Variants in MED27 observed in about 807,000 individuals in gnomAD.
MED27 encodes the protein mediator of RNA polymerase II transcription subunit 27.
MED27 carries 30 observed loss-of-function variants against 38.2 expected under a neutral mutation model. The ratio of observed to expected loss-of-function variants is 0.79; its 90% CI spans 0.59 to 1.07. The LOEUF is 1.07. Ranked by LOEUF, MED27 falls within the 50% of genes least tolerant of loss-of-function variation. The probability of loss-of-function intolerance (pLI) is 0.00; values close to 1 mark genes in which losing one functional copy is unlikely to be tolerated. For missense variants in MED27, 289 were observed against 397.5 expected (o/e 0.73, Z 2.32); for synonymous variants, 122 against 153.5 (o/e 0.79, Z 1.52).
chr9:132,041,866 G>A (rs1589284270), intron 2 of MED27, among the ~76,000 whole-genome samples: 1 of 152,228 alleles, frequency 6.6e-6, no homozygotes. Context: ...AAATGATTAA[G>A]ATAGATTAAA....
At chr9:131,899,853 A>G (rs1043852064) in intron 4 of MED27, among the ~76,000 whole-genome samples, 5 of 152,216 alleles carry the variant, frequency 3.3e-5, no homozygotes, top group Non-Finnish European at 7.3e-5. Flanking sequence ...ACTTTTTGAT[A>G]GACTGATAAA....
intron 4 of MED27, among the ~76,000 whole-genome samples, chr9:131,921,518 G>A (rs1830391407): frequency 6.6e-6 from 1 of 152,150 alleles, no homozygotes; most frequent in Admixed American, 6.5e-5. Flanking sequence ...TAAAAAGTCA[G>A]GAAACAACAG....
chr9:131,943,666 C>T (rs1227735421), intron 3 of MED27, among the ~76,000 whole-genome samples: 1 of 152,162 alleles, frequency 6.6e-6, no homozygotes, highest in African/African-American at 2.4e-5. Context: ...AGACGCGGCG[C>T]GGAAAGACAT....
chr9:132,043,090 A>C (rs1833255236), intron 2 of MED27, among the ~76,000 whole-genome samples: 1 of 152,192 alleles, frequency 6.6e-6, no homozygotes, highest in African/African-American at 2.4e-5. Context: ...TTCAGAAAAA[A>C]TCTATATAGT....
Position 132,014,441 on chromosome 9 carries a change from A to G in MED27, c.375T>C (p.Ser125=). The part of the protein sequence containing the change: ...NKLQYHAGLA[S]GLLNQQSLKR... ...TCAATGACTGCTGATTTAAAAGGCCAGATGCTAGTCCTGCATGGTACTGCA... is the reference window on the plus strand; with the variant it reads ...TCAATGACTGCTGATTTAAAAGGCCGGATGCTAGTCCTGCATGGTACTGCA... Residue 125 remains serine, a synonymous_variant, in exon 3 of 8, where the codon TCT becomes TCC. Coordinates refer to ENST00000292035, the MANE Select transcript of MED27 (RefSeq NM_004269.4). The G allele has an allele frequency of 6.2e-7, 1 of 1,614,132 alleles. No individual in the cohort carries two copies. Among genetic ancestry groups the G allele is most frequent in the Non-Finnish European group, 8.5e-7 (1 of 1,179,982 alleles).
chr9:131,952,733 C>T lies in MED27; in HGVS notation c.480-13259G>A, dbSNP rs117401810. On this transcript the variant is annotated intron_variant, in intron 3 of 7. Coordinates refer to ENST00000292035, the MANE Select transcript of MED27 (RefSeq NM_004269.4). Reference sequence around the variant, plus strand: ...ATAGCTCTGTCAGGATCCCTCTCCACGCAGCTCTCTCTCTCACTCTGGGCT... The same window carrying T: ...ATAGCTCTGTCAGGATCCCTCTCCATGCAGCTCTCTCTCTCACTCTGGGCT... Among the ~76,000 whole-genome samples the T allele has an allele frequency of 4.8e-4, 73 of 152,326 alleles. 1 individual carries two copies. In the East Asian group the frequency reaches 0.012, roughly 26 times the overall value.
rs757002733 is a variant in MED27, at chr9:131,963,658, T to C, written c.480-24184A>G. ...TTTTCTATTTTTATGAGTATCTTTT[T>C]AAAACAAAGATATACTTACATTTAT... On this transcript the variant is annotated intron_variant, in intron 3 of 7. Coordinates refer to ENST00000292035, the MANE Select transcript of MED27 (RefSeq NM_004269.4). Among the ~76,000 whole-genome samples the C allele has an allele frequency of 1.4e-4, 22 of 152,320 alleles. 1 individual carries two copies. In the Middle Eastern group the frequency reaches 0.01, roughly 71 times the overall value.
intron 5 of MED27, among the ~76,000 whole-genome samples, chr9:131,891,267 G>A (rs1332915409): frequency 1.3e-5 from 2 of 152,202 alleles, no homozygotes; most frequent in African/African-American, 2.4e-5. Context: ...GGGAGCACGC[G>A]GCTGGAGATA....
chr9:131,943,488 A>G (rs1400546815), intron 3 of MED27, among the ~76,000 whole-genome samples: 1 of 152,090 alleles, frequency 6.6e-6, no homozygotes, highest in East Asian at 1.9e-4. Context: ...GCGGCGCCCC[A>G]CTTTGAGAGC....
At chr9:131,934,569 G>C (rs1031538443) in intron 4 of MED27, among the ~76,000 whole-genome samples, 1 of 152,186 alleles carries the variant, frequency 6.6e-6, no homozygotes, top group African/African-American at 2.4e-5. Context: ...ACAAATGCTG[G>C]TGAGGAGGTG....
At chr9:131,891,445 A>G (rs1051946559) in intron 5 of MED27, among the ~76,000 whole-genome samples, 2 of 152,234 alleles carry the variant, frequency 1.3e-5, no homozygotes, top group African/African-American at 4.8e-5. Context: ...TGCTCTAAGA[A>G]TAAAAGAAGA....
At chr9:131,984,802 T>C (rs886742091) in intron 3 of MED27, among the ~76,000 whole-genome samples, 4 of 152,216 alleles carry the variant, frequency 2.6e-5, no homozygotes, top group African/African-American at 9.6e-5. Flanking sequence ...TTTATGCTGG[T>C]ATTTTGAGCC....
chr9:131,936,738 C>G (rs1383807021), intron 4 of MED27, among the ~76,000 whole-genome samples: 5 of 152,260 alleles, frequency 3.3e-5, no homozygotes, highest in Non-Finnish European at 5.9e-5. Flanking sequence ...TCTGATGCAC[C>G]TGGCACCATC....
intron 3 of MED27, among the ~76,000 whole-genome samples, chr9:131,975,039 TG>T (rs1186949341): frequency 6.6e-6 from 1 of 152,262 alleles, no homozygotes; most frequent in African/African-American, 2.4e-5. Context: ...TCTGTTTTCA[TG>T]CTGACCTTTA....
chr9:131,998,759 G>A (rs1017400965), intron 3 of MED27, among the ~76,000 whole-genome samples: 13 of 152,160 alleles, frequency 8.5e-5, no homozygotes, highest in Admixed American at 3.3e-4. Context: ...CATTTGATGT[G>A]TAAAGTCAGG....
rs192383927 is a variant in MED27 at position 131,986,296 on chromosome 9, A to G, written c.479+28041T>C. On this transcript the variant is annotated intron_variant, in intron 3 of 7. Transcript: ENST00000292035. ...ACCCAGAGCAACCTGTAGTCCTGCA[A>G]GCTCCATGCATGGTGAAGTTCCTGT... 4.6e-5 allele frequency among the ~76,000 whole-genome samples: 7 copies of G among 152,228 alleles called. No individual in the cohort carries two copies. The East Asian group carries it at 1.4e-3, about 29-fold the overall frequency.
intron 3 of MED27, among the ~76,000 whole-genome samples, chr9:131,953,764 C>T (rs879398697): frequency 1.3e-5 from 2 of 151,274 alleles, no homozygotes; most frequent in East Asian, 1.9e-4. Flanking sequence ...TTGCCTTGTT[C>T]GTAAATTGTG....
intron 4 of MED27, among the ~76,000 whole-genome samples, chr9:131,901,032 G>A (rs1829935996): frequency 7.5e-6 from 1 of 133,476 alleles, no homozygotes; most frequent in African/African-American, 2.8e-5. Flanking sequence ...AGAGGGGGGA[G>A]AGAAAGAAAG....
chr9:131,984,823 CTGT>C (rs1280653674), intron 3 of MED27, among the ~76,000 whole-genome samples: 2 of 152,100 alleles, frequency 1.3e-5, no homozygotes, highest in African/African-American at 4.8e-5. Context: ...TGGGACTGAC[CTGT>C]TATGGCCTCA....
Sources: allele counts gnomAD v4.1 joint callset (sites outside exome capture counted in the v4.1 genomes callset), GRCh38; gene constraint gnomAD v4.1.1; transcripts MANE v1.5; gene names NCBI Gene and HGNC (gene_info 2026-07-23, HGNC 2026-07-21).